FOCAD: variants seen among roughly 807,000 people sequenced by gnomAD.
The protein encoded by FOCAD is KIAA1797.
Under a neutral mutation model 225.6 loss-of-function variants are expected in FOCAD, and 198 were observed. That is an observed-to-expected ratio of 0.88 (90% confidence interval 0.78 to 0.99). The LOEUF is 0.99. Among genes scored for constraint, FOCAD ranks in the 50% least tolerant of loss-of-function variants. The probability of loss-of-function intolerance (pLI) is 0.00; values close to 1 mark genes in which losing one functional copy is unlikely to be tolerated. For missense variants in FOCAD, 2,713 were observed against 2,123.6 expected (o/e 1.28, Z -5.46); for synonymous variants, 897 against 755.0 (o/e 1.19, Z -3.08).
intron 11 of FOCAD, among the ~76,000 whole-genome samples, chr9:20,810,893 C>G (rs1383550549): frequency 2.6e-5 from 4 of 152,018 alleles, no homozygotes; most frequent in African/African-American, 7.2e-5. Flanking sequence ...CTTGAACCTC[C>G]TGTATTGCTG....
In FOCAD at chr9:20,789,489, G is replaced by A. The variant is rs140442849; in HGVS notation, c.1336G>A (p.Ala446Thr). The A allele has an allele frequency of 1.2e-6, 2 of 1,613,794 alleles. No individual in the cohort carries two copies. Among genetic ancestry groups the A allele is most frequent in the African/African-American group, 1.3e-5 (1 of 74,852 alleles). Residue 446 changes from alanine to threonine, a missense_variant, in exon 11 of 44, where the codon GCT (alanine) becomes ACT (threonine). Coordinates refer to ENST00000338382, the MANE Select transcript of FOCAD (RefSeq NM_001375567.1). ...AGTAGAGTCATTGCTTCCTATTACTGCTGTGATCCCTGCGCCTGCCTTTCT... is the reference window on the plus strand; with the variant it reads ...AGTAGAGTCATTGCTTCCTATTACTACTGTGATCCCTGCGCCTGCCTTTCT... ...ASVESLLPIT[A>T]VIPAPAFLLL...
At chr9:20,842,878 A>G (rs186065875) in intron 15 of FOCAD, among the ~76,000 whole-genome samples, 3 of 151,980 alleles carry the variant, frequency 2.0e-5, no homozygotes, top group Admixed American at 6.6e-5. Flanking sequence ...TTTTTTATAT[A>G]TCTCCTGTGG....
Position 20,995,725 on chromosome 9 carries a change from C to G in FOCAD, c.*96C>G. 9.1e-7 allele frequency: 1 copy of G among 1,095,410 alleles called. No homozygotes were observed. Among genetic ancestry groups the G allele is most frequent in the Admixed American group, 1.8e-5 (1 of 55,586 alleles). The allele number at this position is 1,095,410 out of a possible 1,614,324, so 67.9% of individuals were successfully genotyped here. A position where few individuals can be genotyped will look rare whatever the true frequency, so the allele number is the denominator to read the frequency against. ...GAATTCATGCCTGGTATTGCTGAGA[C>G]ATGATGCAGAGAGTTAAGGGTCATG... On this transcript the variant is annotated 3_prime_UTR_variant, in exon 44 of 44. Coordinates refer to ENST00000338382, the MANE Select transcript of FOCAD (RefSeq NM_001375567.1).
intron 2 of FOCAD, among the ~76,000 whole-genome samples, chr9:20,670,188 A>G (rs4596728): frequency 0.17 from 26,595 of 152,156 alleles, 2,392 homozygotes; most frequent in Non-Finnish European, 0.19. Context: ...GTAAGTATTT[A>G]TTTGTTGAAG....
At chr9:20,659,498 CAA>C in intron 2 of FOCAD, among the ~76,000 whole-genome samples, 1 of 144,916 alleles carries the variant, frequency 6.9e-6, no homozygotes, top group South Asian at 2.3e-4. Flanking sequence ...GAAGTTTGGC[CAA>C]AGAGACACCC....
rs550182893 is a variant in FOCAD, at chr9:20,745,839, G to C, written c.392+5499G>C. On this transcript the variant is annotated intron_variant, in intron 5 of 43. Coordinates refer to ENST00000338382, the MANE Select transcript of FOCAD (RefSeq NM_001375567.1). ...AATGTTCGTGGCAGATGGTGTGCTC[G>C]GAAGTGGACAATTAGGCCAACAGTA... Among the ~76,000 whole-genome samples, 3 of 152,166 alleles carry C rather than the reference G, an allele frequency of 2.0e-5. No individual in the cohort carries two copies. In the East Asian group the frequency reaches 5.8e-4, roughly 29 times the overall value.
intron 35 of FOCAD, among the ~76,000 whole-genome samples, chr9:20,974,244 T>C (rs1244474616): frequency 6.8e-6 from 1 of 146,526 alleles, no homozygotes; most frequent in Non-Finnish European, 1.5e-5. Context: ...GCTTCTCTTT[T>C]CTGCTGCTGT....
Position 20,948,896 on chromosome 9 carries a change from G to A in FOCAD, c.3844G>A (p.Ala1282Thr). The A allele has an allele frequency of 6.2e-7, 1 of 1,613,522 alleles. No individual in the cohort carries two copies. The highest frequency in any genetic ancestry group is 8.5e-7 in the Non-Finnish European group (1 of 1,179,544). The change falls in exon 32 of 44, where the codon GCC (alanine) becomes ACC (threonine). Residue 1282 changes from alanine (A) to threonine (T), a missense_variant. Ala to Thr is a moderately conservative substitution (Grantham distance 58). Coordinates refer to ENST00000338382, the MANE Select transcript of FOCAD (RefSeq NM_001375567.1). ...LCLAALHGMV[A>T]LVGSEGDVMQ... ...TCTGGCAGCTCTTCATGGCATGGTG[G>A]CCTTGGTAGGCTCTGAAGGGGATGT...
chr9:20,944,000 A>G (rs556057977), intron 28 of FOCAD, among the ~76,000 whole-genome samples: 5 of 152,314 alleles, frequency 3.3e-5, no homozygotes, highest in African/African-American at 1.2e-4. Flanking sequence ...CAAGCCTGTC[A>G]TTTGTCCATT....
intron 19 of FOCAD, among the ~76,000 whole-genome samples, chr9:20,877,228 G>A (rs973514933): frequency 1.3e-5 from 2 of 151,966 alleles, no homozygotes; most frequent in Non-Finnish European, 2.9e-5. Context: ...GAGGGGTTTG[G>A]GCCATCACCC....
intron 7 of FOCAD, among the ~76,000 whole-genome samples, chr9:20,766,461 G>A (rs1454194545): frequency 2.6e-5 from 4 of 152,076 alleles, no homozygotes; most frequent in African/African-American, 9.7e-5. Flanking sequence ...ATATTTTAGT[G>A]ATAGAGGAAG....
At chr9:20,838,166 G>C (rs1208424796) in intron 15 of FOCAD, among the ~76,000 whole-genome samples, 1 of 151,996 alleles carries the variant, frequency 6.6e-6, no homozygotes. Flanking sequence ...ATTTCTTAGA[G>C]TTTGTGGTCT....
intron 40 of FOCAD, 115 bp from the exon 41 acceptor site, chr9:20,988,217 T>C: frequency 1.8e-6 from 1 of 555,746 alleles, no homozygotes; most frequent in Non-Finnish European, 3.2e-6. Context: ...AACATGAAAC[T>C]GGTTAATGGA....
intron 35 of FOCAD, among the ~76,000 whole-genome samples, chr9:20,969,007 C>A (rs1173682443): frequency 6.6e-6 from 1 of 151,936 alleles, no homozygotes; most frequent in African/African-American, 2.4e-5. Context: ...TATAATTTCC[C>A]TGTGATTTCT....
At position 20,801,448 on chromosome 9, in the gene FOCAD, C is replaced by G. The variant is rs1277111319; in HGVS notation, c.1455+11840C>G. On this transcript the variant is annotated intron_variant, in intron 11 of 43. Coordinates refer to ENST00000338382, the MANE Select transcript of FOCAD (RefSeq NM_001375567.1). ...CCACCTGCCTTGGCCTCCCAAAGTG[C>G]TGGGATTGCAGGCGTGAGCCACTGC... 2.0e-5 allele frequency among the ~76,000 whole-genome samples: 3 copies of G among 152,242 alleles called. 1 individual carries two copies. The East Asian group carries it at 5.9e-4, about 30-fold the overall frequency.
chr9:20,795,784 GAAAAAAA>G (rs1161085446), intron 11 of FOCAD, among the ~76,000 whole-genome samples: 1 of 42,406 alleles, frequency 2.4e-5, no homozygotes, highest in South Asian at 1.0e-3. Flanking sequence ...ACTCTGTCTC[GAAAAAAA>G]AAAAAAAAAA....
intron 15 of FOCAD, among the ~76,000 whole-genome samples, chr9:20,858,376 G>T (rs924387320): frequency 6.6e-6 from 1 of 151,904 alleles, no homozygotes; most frequent in Non-Finnish European, 1.5e-5. Context: ...ATTTATTGTC[G>T]ATAGTTGCTC....
At chr9:20,891,660 G>A (rs1393610623) in intron 21 of FOCAD, among the ~76,000 whole-genome samples, 3 of 152,204 alleles carry the variant, frequency 2.0e-5, no homozygotes, top group Non-Finnish European at 4.4e-5. Context: ...CAGAAGAAAA[G>A]TTTGAAGGTA....
intron 27 of FOCAD, among the ~76,000 whole-genome samples, chr9:20,930,025 G>T (rs903724024): frequency 6.6e-6 from 1 of 152,180 alleles, no homozygotes; most frequent in East Asian, 1.9e-4. Context: ...TGCCTAAGGG[G>T]TGTTGGGAAT....
Sources: allele counts gnomAD v4.1 joint callset (sites outside exome capture counted in the v4.1 genomes callset), GRCh38; gene constraint gnomAD v4.1.1; transcripts MANE v1.5; gene names NCBI Gene and HGNC (gene_info 2026-07-23, HGNC 2026-07-21).